RTN3: variants seen among roughly 807,000 people sequenced by gnomAD.
The protein encoded by RTN3 is reticulon-3.
A neutral mutation model predicts 77.8 loss-of-function variants in RTN3; 49 were observed. That is an observed-to-expected ratio of 0.63 (90% CI 0.50 to 0.80). RTN3 has a LOEUF of 0.80. RTN3 is among the 30% of genes least tolerant of loss of function. The pLI is 0.00. For synonymous variants in RTN3, 464 were observed against 446.9 expected (o/e 1.04, Z -0.48); for missense variants, 1,236 against 1,211.9 (o/e 1.02, Z -0.29).
chr11:63,726,584 C>T (rs554706712), intron 3 of RTN3, among the ~76,000 whole-genome samples: 4 of 152,232 alleles, frequency 2.6e-5, no homozygotes, highest in Admixed American at 2.0e-4. Context: ...TGAACTGGGC[C>T]GGGTGCAATG....
intron 3 of RTN3, among the ~76,000 whole-genome samples, chr11:63,731,014 C>T (rs1245693868): frequency 6.6e-6 from 1 of 152,086 alleles, no homozygotes; most frequent in Non-Finnish European, 1.5e-5. Flanking sequence ...ATAAGGTATG[C>T]ATTCATTGGT....
At chr11:63,744,527 AC>A (rs2013683779) in intron 3 of RTN3, among the ~76,000 whole-genome samples, 2 of 152,174 alleles carry the variant, frequency 1.3e-5, no homozygotes, top group African/African-American at 4.8e-5. Context: ...GCAGTGTGGT[AC>A]AGTGCTTAGT....
At chr11:63,751,160 C>T (rs571931781) in intron 4 of RTN3, among the ~76,000 whole-genome samples, 108 of 152,322 alleles carry the variant, frequency 7.1e-4, no homozygotes, top group Non-Finnish European at 1.4e-3. Context: ...CATGAGCCAC[C>T]GTGCCCGGCA....
chr11:63,725,899 A>T (rs2012227425), intron 3 of RTN3, among the ~76,000 whole-genome samples: 1 of 152,282 alleles, frequency 6.6e-6, no homozygotes, highest in African/African-American at 2.4e-5. Flanking sequence ...GTTATGTAAA[A>T]ATGTTCGTAA....
At chr11:63,703,202 T>A (rs1942332869) in intron 1 of RTN3, among the ~76,000 whole-genome samples, 1 of 152,208 alleles carries the variant, frequency 6.6e-6, no homozygotes, top group Admixed American at 6.5e-5. Flanking sequence ...TAAAGAATAC[T>A]TAAAGTATAA....
intron 1 of RTN3, among the ~76,000 whole-genome samples, chr11:63,685,911 C>T (rs1315416307): frequency 6.6e-6 from 1 of 152,136 alleles, no homozygotes; most frequent in Non-Finnish European, 1.5e-5. Flanking sequence ...GCACTCTGTA[C>T]TTTAGTGCCT....
rs762278975 is a variant in RTN3, at chr11:63,719,748, A to G, written c.1246A>G (p.Ile416Val). The change falls in exon 3 of 9, where the codon ATT (isoleucine) becomes GTT (valine). Residue 416 changes from isoleucine (I) to valine (V), a missense_variant. Physicochemically the swap from Ile to Val is conservative, Grantham distance 29. Coordinates refer to ENST00000377819, the MANE Select transcript of RTN3 (RefSeq NM_001265589.2). ...AEASLQQENA[I>V]TGKPVPDSLN... ...AGCATCTCTCCAGCAAGAAAATGCT[A>G]TTACTGGAAAACCTGTACCTGACTC... The G allele has an allele frequency of 3.4e-5, 55 of 1,614,052 alleles. No homozygotes were observed. The highest frequency in any genetic ancestry group is 4.0e-5 in the Non-Finnish European group (47 of 1,180,026).
intron 3 of RTN3, among the ~76,000 whole-genome samples, chr11:63,748,661 C>CTT (rs561644667): frequency 1.1e-3 from 117 of 105,922 alleles, no homozygotes; most frequent in African/African-American, 1.7e-3. Flanking sequence ...GCCCCACTCA[C>CTT]TTTTTTTTTT....
chr11:63,703,467 C>G (rs1308892452), intron 1 of RTN3, among the ~76,000 whole-genome samples: 1 of 152,028 alleles, frequency 6.6e-6, no homozygotes, highest in Admixed American at 6.6e-5. Context: ...GTTGCCAAAG[C>G]AAGTGATAGG....
At chr11:63,744,099 C>T (rs544010569) in intron 3 of RTN3, among the ~76,000 whole-genome samples, 141 of 151,198 alleles carry the variant, frequency 9.3e-4, no homozygotes, top group African/African-American at 3.3e-3. Context: ...AAAAATTAGC[C>T]GGGAGTGGTG....
At chr11:63,688,558 C>G (rs1160387091) in intron 1 of RTN3, among the ~76,000 whole-genome samples, 3 of 152,008 alleles carry the variant, frequency 2.0e-5, no homozygotes, top group Admixed American at 1.3e-4. Context: ...TGTTTATTGT[C>G]AAATTCACAA....
chr11:63,722,497 G>A (rs1255203303), intron 3 of RTN3, among the ~76,000 whole-genome samples: 1 of 152,154 alleles, frequency 6.6e-6, no homozygotes, highest in East Asian at 1.9e-4. Context: ...TAAATATGCA[G>A]TCAGATTTAG....
At chr11:63,722,997 G>A (rs760309363) in intron 3 of RTN3, among the ~76,000 whole-genome samples, 13 of 152,198 alleles carry the variant, frequency 8.5e-5, no homozygotes, top group Non-Finnish European at 1.5e-4. Context: ...CATGACCTTA[G>A]ATGACTAGTC....
At chr11:63,750,964 C>T (rs1201846011) in intron 4 of RTN3, among the ~76,000 whole-genome samples, 1 of 151,794 alleles carries the variant, frequency 6.6e-6, no homozygotes, top group Non-Finnish European at 1.5e-5. Context: ...GAACTCCTGA[C>T]CTTGTGATCC....
At chr11:63,702,715 T>C (rs550170828) in intron 1 of RTN3, among the ~76,000 whole-genome samples, 2 of 151,562 alleles carry the variant, frequency 1.3e-5, no homozygotes, top group African/African-American at 2.4e-5. Context: ...AGACGGAGTC[T>C]TGCTCTGTTG....
rs3017638 is a variant in RTN3 at position 63,686,563 on chromosome 11, A to G, written c.142+4785A>G. 4.0e-5 allele frequency among the ~76,000 whole-genome samples: 6 copies of G among 149,748 alleles called. No individual in the cohort carries two copies. In the East Asian group the frequency reaches 1.2e-3, roughly 30 times the overall value. On this transcript the variant is annotated intron_variant, in intron 1 of 8. Transcript: ENST00000377819. ...AAGTTGGCTGAGTCTGGTGGCTCACACCTGTAATCCCAGCACTTTGGGAGG... is the reference window on the plus strand; with the variant it reads ...AAGTTGGCTGAGTCTGGTGGCTCACGCCTGTAATCCCAGCACTTTGGGAGG...
intron 1 of RTN3, among the ~76,000 whole-genome samples, chr11:63,692,962 G>A (rs887685209): frequency 6.6e-6 from 1 of 152,010 alleles, no homozygotes; most frequent in Non-Finnish European, 1.5e-5. Context: ...AGAGAGATGG[G>A]GTCTCACCAT....
intron 1 of RTN3, among the ~76,000 whole-genome samples, chr11:63,682,718 G>A (rs528084187): frequency 6.6e-6 from 1 of 152,280 alleles, no homozygotes; most frequent in South Asian, 2.1e-4. Flanking sequence ...CTCTGTGAAA[G>A]ACTAAGAACG....
chr11:63,744,557 T>TA (rs2013685695), intron 3 of RTN3, among the ~76,000 whole-genome samples: 1 of 152,070 alleles, frequency 6.6e-6, no homozygotes, highest in Non-Finnish European at 1.5e-5. Context: ...ATCTAAACAT[T>TA]AAAAAAATAC....
Sources: allele counts gnomAD v4.1 joint callset (sites outside exome capture counted in the v4.1 genomes callset), GRCh38; gene constraint gnomAD v4.1.1; transcripts MANE v1.5; gene names NCBI Gene and HGNC (gene_info 2026-07-23, HGNC 2026-07-21).